Variants in MAPK10 observed in about 807,000 individuals in gnomAD.
MAPK10 encodes the protein JNK3 alpha protein kinase.
MAPK10 carries 25 observed loss-of-function variants against 59.3 expected under a neutral mutation model. The ratio of observed to expected loss-of-function variants is 0.42; its 90% confidence interval spans 0.31 to 0.59. MAPK10 has a LOEUF of 0.59. Ranked by LOEUF, MAPK10 falls within the 20% of genes least tolerant of loss-of-function variation. The pLI is 0.15. For missense variants in MAPK10, 351 were observed against 568.9 expected (o/e 0.62, Z 3.90); for synonymous variants, 190 against 200.5 (o/e 0.95, Z 0.44).
chr4:86,351,976 C>T (rs979181824), intron 2 of MAPK10, among the ~76,000 whole-genome samples: 9 of 152,120 alleles, frequency 5.9e-5, no homozygotes, highest in South Asian at 4.1e-4. Context: ...TAGTAATCAG[C>T]AAAATGCAAA....
intron 1 of MAPK10, among the ~76,000 whole-genome samples, chr4:86,438,289 T>C (rs917301100): frequency 4.6e-5 from 7 of 152,186 alleles, no homozygotes; most frequent in Middle Eastern, 3.2e-3. Context: ...TAAAAGTAAT[T>C]AAAAATATGA....
rs568636908 is a variant in MAPK10 at position 86,568,688 on chromosome 4, C to A, written c.-263+25222G>T. On this transcript the variant is annotated intron_variant, in intron 1 of 4. Coordinates refer to the MAPK10 transcript ENST00000502302. Reference sequence around the variant, plus strand: ...TCAACAAAGTTGACAAAAATATACACTGGGGAAAGGATACTCTATTCAATA... The same window carrying A: ...TCAACAAAGTTGACAAAAATATACAATGGGGAAAGGATACTCTATTCAATA... 3.9e-5 allele frequency among the ~76,000 whole-genome samples: 6 copies of A among 152,152 alleles called. No individual in the cohort carries two copies. In the South Asian group the frequency reaches 1.2e-3, roughly 32 times the overall value.
At chr4:86,461,558 G>A (rs944567259) in intron 1 of MAPK10, among the ~76,000 whole-genome samples, 1 of 152,120 alleles carries the variant, frequency 6.6e-6, no homozygotes, top group Non-Finnish European at 1.5e-5. Context: ...GAAGCATCAG[G>A]GTAACAATGG....
At chr4:86,249,276 GC>G (rs10714569) in intron 2 of MAPK10, among the ~76,000 whole-genome samples, 2,415 of 152,230 alleles carry the variant, frequency 0.016, 77 homozygotes, top group African/African-American at 0.055. Context: ...GAGGTGGGTG[GC>G]TGCTAGCATT....
chr4:86,310,255 C>T (rs2095643762), intron 2 of MAPK10, among the ~76,000 whole-genome samples: 1 of 152,136 alleles, frequency 6.6e-6, no homozygotes, highest in African/African-American at 2.4e-5. Flanking sequence ...CCCCGACCAC[C>T]TTGGGCACAT....
chr4:86,487,386 G>GTGTGT (rs1436637468), intron 1 of MAPK10, among the ~76,000 whole-genome samples: 3 of 73,308 alleles, frequency 4.1e-5, no homozygotes, highest in Admixed American at 1.6e-4. Flanking sequence ...TGTGTGTGTA[G>GTGTGT]AGAGAGAAAG....
chr4:86,309,206 T>G (rs1180038429), intron 2 of MAPK10, among the ~76,000 whole-genome samples: 1 of 152,230 alleles, frequency 6.6e-6, no homozygotes, highest in East Asian at 1.9e-4. Flanking sequence ...AAAGTTCTAC[T>G]GCATAATATA....
At chr4:86,153,084 A>G (rs1353804073) in intron 4 of MAPK10, among the ~76,000 whole-genome samples, 1 of 152,204 alleles carries the variant, frequency 6.6e-6, no homozygotes, top group Non-Finnish European at 1.5e-5. Context: ...ATGGACTATA[A>G]ACTGACTTTA....
Position 86,291,380 on chromosome 4 carries a change from A to G in MAPK10, c.-7+63150T>C, listed in dbSNP as rs75626329. ...TCCCGAGTCGGCCAATGCCAGATAG[A>G]TGTGCTACACATCACATCAGCCTAC... On this transcript the variant is annotated intron_variant, in intron 2 of 13. Transcript: ENST00000641462. Among the ~76,000 whole-genome samples, 1,204 of 152,314 alleles carry G rather than the reference A, an allele frequency of 7.9e-3. 9 individuals carry two copies. Among genetic ancestry groups the G allele is most frequent in the African/African-American group, 0.027 (1,135 of 41,570 alleles).
At chr4:86,212,327 G>T (rs889968938) in intron 2 of MAPK10, among the ~76,000 whole-genome samples, 8 of 152,076 alleles carry the variant, frequency 5.3e-5, no homozygotes, top group African/African-American at 1.9e-4. Context: ...AGACCAGCCT[G>T]GGCAACATAT....
intron 2 of MAPK10, among the ~76,000 whole-genome samples, chr4:86,222,721 A>G (rs1312596303): frequency 6.6e-6 from 1 of 152,218 alleles, no homozygotes; most frequent in Admixed American, 6.5e-5. Context: ...GTGGAAGTCC[A>G]TTTTGTTCTT....
chr4:86,253,347 C>A (rs1195591396), intron 2 of MAPK10, among the ~76,000 whole-genome samples: 4 of 106,590 alleles, frequency 3.8e-5, no homozygotes, highest in Non-Finnish European at 7.0e-5. Flanking sequence ...AAATACGTCC[C>A]ATCAATACCT....
chr4:86,055,380 A>T (rs2044361154), intron 11 of MAPK10, among the ~76,000 whole-genome samples: 2 of 149,956 alleles, frequency 1.3e-5, no homozygotes, highest in Admixed American at 6.6e-5. Flanking sequence ...AAATGACCTC[A>T]GAAATCTTTT....
intron 1 of MAPK10, among the ~76,000 whole-genome samples, chr4:86,535,984 G>A (rs889147773): frequency 6.6e-6 from 1 of 152,134 alleles, no homozygotes; most frequent in Non-Finnish European, 1.5e-5. Flanking sequence ...TAACCCAGAA[G>A]AAGTTCATAG....
chr4:86,359,774 T>C lies in MAPK10; in HGVS notation c.-238A>G, dbSNP rs936399621. 1.0e-6 allele frequency: 1 copy of C among 985,666 alleles called. No individual in the cohort carries two copies. The highest frequency in any genetic ancestry group is 1.7e-5 in the African/African-American group (1 of 57,300). The allele number at this position is 985,666 out of a possible 1,614,324, so 61.1% of individuals were successfully genotyped here. A position where few individuals can be genotyped will look rare whatever the true frequency, so the allele number is the denominator to read the frequency against. On this transcript the variant is annotated 5_prime_UTR_variant, in exon 1 of 14. Transcript: ENST00000641462. ...ACATGGAAGAGATTCTTTGGAGATATGGAGATTGTTTAAAATTAACGATGG... is the reference window on the plus strand; with the variant it reads ...ACATGGAAGAGATTCTTTGGAGATACGGAGATTGTTTAAAATTAACGATGG...
chr4:86,265,031 C>T (rs988850646), intron 2 of MAPK10, among the ~76,000 whole-genome samples: 1 of 151,478 alleles, frequency 6.6e-6, no homozygotes, highest in Non-Finnish European at 1.5e-5. Flanking sequence ...GCTGGGATTA[C>T]AGGTGTGTGC....
chr4:86,376,730 T>C (rs1026970524), intron 1 of MAPK10, among the ~76,000 whole-genome samples: 1 of 152,208 alleles, frequency 6.6e-6, no homozygotes. Context: ...AACCATTCAC[T>C]TTCCCAAAGC....
chr4:86,579,375 T>C (rs1762107440), intron 1 of MAPK10, among the ~76,000 whole-genome samples: 2 of 152,172 alleles, frequency 1.3e-5, no homozygotes, highest in Non-Finnish European at 1.5e-5. Context: ...GTAAAAGATA[T>C]CAGCATACAG....
intron 2 of MAPK10, among the ~76,000 whole-genome samples, chr4:86,334,103 T>C (rs2096217883): frequency 6.6e-6 from 1 of 152,182 alleles, no homozygotes; most frequent in African/African-American, 2.4e-5. Flanking sequence ...ATTCAACATG[T>C]CCACAGATGA....
Sources: gnomAD v4.1 joint callset for allele counts (sites outside exome capture counted in the v4.1 genomes callset) on GRCh38, gnomAD v4.1.1 for gene constraint, MANE v1.5 for transcripts, NCBI Gene and HGNC (gene_info 2026-07-23, HGNC 2026-07-21) for gene names.